Variants in LRRC49 observed in about 807,000 individuals in gnomAD.
The protein encoded by LRRC49 is leucine-rich repeat-containing protein 49.
Under a neutral mutation model 83.3 loss-of-function variants are expected in LRRC49, and 50 were observed. The observed-to-expected ratio is 0.60, with a 90% confidence interval of 0.48 to 0.76. LRRC49 has a LOEUF of 0.76. Among genes scored for constraint, LRRC49 ranks in the 30% least tolerant of loss-of-function variants. LRRC49 has a pLI of 0.00. For synonymous variants in LRRC49, 286 were observed against 283.3 expected (o/e 1.01, Z -0.10); for missense variants, 704 against 809.1 (o/e 0.87, Z 1.58).
At chr15:70,933,432 A>G (rs556243275) in intron 7 of LRRC49, among the ~76,000 whole-genome samples, 1 of 152,286 alleles carries the variant, frequency 6.6e-6, no homozygotes, top group East Asian at 1.9e-4. Flanking sequence ...AGTTACCTCC[A>G]GAAAGGATAT....
In LRRC49 at chr15:70,895,754, A is replaced by G. The variant is rs955204643; in HGVS notation, c.106-95A>G. 1.6e-5 allele frequency: 11 copies of G among 673,776 alleles called. No homozygotes were observed. In the African/African-American group the frequency reaches 2.0e-4, roughly 12 times the overall value. 41.7% of individuals were successfully genotyped at this position (673,776 alleles called of 1,614,324 possible). A position where few individuals can be genotyped will look rare whatever the true frequency, so the allele number is the denominator to read the frequency against. ...TTTCAAGGTTCATCCACATTGTACCATGTGTATCAGTTATTATATGTTTTT... is the reference window on the plus strand; with the variant it reads ...TTTCAAGGTTCATCCACATTGTACCGTGTGTATCAGTTATTATATGTTTTT... On this transcript the variant is annotated intron_variant, in intron 2 of 15. Coordinates refer to ENST00000260382, the MANE Select transcript of LRRC49 (RefSeq NM_017691.5).
intron 9 of LRRC49, among the ~76,000 whole-genome samples, chr15:70,966,170 G>A (rs958361894): frequency 3.9e-5 from 6 of 152,056 alleles, no homozygotes; most frequent in Admixed American, 1.3e-4. Context: ...TTGAATTTTT[G>A]TGTAAATTAC....
rs565373544 is a variant in LRRC49, at chr15:70,958,178, A to T, written c.774-5607A>T. ...CCTGACTACTACCTTGGTTTTTGACATGTTAAGCCCTGTTTTTCACCTCTG... is the reference window on the plus strand; with the variant it reads ...CCTGACTACTACCTTGGTTTTTGACTTGTTAAGCCCTGTTTTTCACCTCTG... On this transcript the variant is annotated intron_variant, in intron 8 of 15. Transcript: ENST00000260382. 6.6e-5 allele frequency among the ~76,000 whole-genome samples: 10 copies of T among 152,264 alleles called. No individual in the cohort carries two copies. In the East Asian group the frequency reaches 1.9e-3, roughly 29 times the overall value.
intron 11 of LRRC49, among the ~76,000 whole-genome samples, chr15:70,985,828 A>G (rs1596102050): frequency 6.8e-6 from 1 of 147,914 alleles, no homozygotes; most frequent in East Asian, 2.0e-4. Context: ...GAAGGGATCC[A>G]GTTTCAGCTT....
chr15:70,964,035 C>CATATTTAGT, intron 9 of LRRC49, 103 bp downstream of exon 9: 2 of 1,141,746 alleles, frequency 1.8e-6, no homozygotes, highest in Non-Finnish European at 2.5e-6. Context: ...TTTTAGTGAA[C>CATATTTAGT]TATGGGTTAT....
chr15:71,009,851 T>G lies in LRRC49; in HGVS notation c.1452T>G (p.Phe484Leu). The change falls in exon 13 of 16, where the codon TTT (phenylalanine) becomes TTG (leucine). Residue 484 changes from phenylalanine (F) to leucine (L), a missense_variant. Phe to Leu is a conservative substitution (Grantham distance 22). Coordinates refer to ENST00000260382, the MANE Select transcript of LRRC49 (RefSeq NM_017691.5). ...KETNLVMLQQ[F>L]NALAQLRRID... ...CAAATCTTGTAATGCTGCAGCAATT[T>G]AACGCACTAGCCCAACTCCGTCGTA... 6.2e-7 allele frequency: 1 copy of G among 1,612,358 alleles called. No homozygotes were observed. Among genetic ancestry groups the G allele is most frequent in the Non-Finnish European group, 8.5e-7 (1 of 1,178,872 alleles).
Position 70,952,958 on chromosome 15 carries a change from G to A in LRRC49, c.774-10827G>A, listed in dbSNP as rs116969916. Among the ~76,000 whole-genome samples the A allele has an allele frequency of 2.6e-3, 395 of 152,052 alleles. 1 individual carries two copies. Among genetic ancestry groups the A allele is most frequent in the Non-Finnish European group, 4.7e-3 (316 of 67,886 alleles). ...TTATCTGATGTATGAATAGCTACCCGTTTTTTGTTTCCTATTAGCCTGATA... is the reference window on the plus strand; with the variant it reads ...TTATCTGATGTATGAATAGCTACCCATTTTTTGTTTCCTATTAGCCTGATA... On this transcript the variant is annotated intron_variant, in intron 8 of 15. Transcript: ENST00000260382.
At position 71,037,342 on chromosome 15, in the gene LRRC49, C is replaced by T. The variant is rs2039555107; in HGVS notation, c.1857+10C>T. 3 of 1,579,278 alleles carry T rather than the reference C, an allele frequency of 1.9e-6. No homozygotes were observed. The highest frequency in any genetic ancestry group is 2.6e-6 in the Non-Finnish European group (3 of 1,165,060). ...TAATGAAAAGCTAGAGGTAAAACTA[C>T]TGTTAATCTTTGCGATCTAATGCCA... On this transcript the variant is annotated intron_variant, in intron 15 of 15. Coordinates refer to ENST00000260382, the MANE Select transcript of LRRC49 (RefSeq NM_017691.5).
intron 7 of LRRC49, among the ~76,000 whole-genome samples, chr15:70,930,565 T>C (rs1052656591): frequency 3.3e-5 from 5 of 152,332 alleles, no homozygotes; most frequent in South Asian, 2.1e-4. Flanking sequence ...AGCATGTGTT[T>C]TGAAGCTTTG....
chr15:70,907,235 C>G (rs1321664670), intron 5 of LRRC49, among the ~76,000 whole-genome samples: 1 of 152,226 alleles, frequency 6.6e-6, no homozygotes, highest in Non-Finnish European at 1.5e-5. Context: ...GTTCAGAAAG[C>G]TTTCTCCTTC....
chr15:70,915,527 ATTGT>A (rs1380965987), intron 6 of LRRC49, among the ~76,000 whole-genome samples: 3 of 152,090 alleles, frequency 2.0e-5, no homozygotes. Flanking sequence ...TTATATCTGT[ATTGT>A]TTGTCTTCCA....
At chr15:70,972,615 G>A (rs573561444) in intron 9 of LRRC49, among the ~76,000 whole-genome samples, 1 of 152,266 alleles carries the variant, frequency 6.6e-6, no homozygotes, top group African/African-American at 2.4e-5. Context: ...TCACTTTCAG[G>A]TACAGCAATC....
chr15:70,959,578 G>GGA (rs2036531465), intron 8 of LRRC49, among the ~76,000 whole-genome samples: 1 of 144,076 alleles, frequency 6.9e-6, no homozygotes, highest in Non-Finnish European at 1.5e-5. Context: ...AGGAAGGAAG[G>GGA]AAGGAAGGAA....
intron 1 of LRRC49, chr15:70,853,801 G>T: frequency 2.0e-6 from 2 of 984,394 alleles, no homozygotes; most frequent in Non-Finnish European, 2.6e-6. Context: ...TCTGCCCGAG[G>T]AGTTGTCGCG....
chr15:70,989,413 A>G (rs1338218870), intron 11 of LRRC49, among the ~76,000 whole-genome samples: 1 of 151,916 alleles, frequency 6.6e-6, no homozygotes, highest in African/African-American at 2.4e-5. Context: ...CCTTTCTTCC[A>G]GTTGATCGCA....
upstream of LRRC49, among the ~76,000 whole-genome samples, chr15:70,891,668 C>A (rs545726287): frequency 1.3e-4 from 19 of 148,244 alleles, 1 homozygote; most frequent in South Asian, 4.1e-3. Flanking sequence ...TCACTTAATT[C>A]CAAAGTGTTA....
At chr15:70,869,602 C>T (rs115486247) in intron 1 of LRRC49, among the ~76,000 whole-genome samples, 1,962 of 152,214 alleles carry the variant, frequency 0.013, 44 homozygotes, top group African/African-American at 0.044. Flanking sequence ...ACTACAGATC[C>T]GCTGCTTTAT....
chr15:71,027,216 T>C (rs2141284562), intron 14 of LRRC49, among the ~76,000 whole-genome samples: 1 of 152,352 alleles, frequency 6.6e-6, no homozygotes, highest in African/African-American at 2.4e-5. Flanking sequence ...TCCCCATTGC[T>C]TGTTTTTGTC....
At chr15:70,945,845 G>A (rs1051446199) in intron 8 of LRRC49, among the ~76,000 whole-genome samples, 2 of 152,038 alleles carry the variant, frequency 1.3e-5, no homozygotes, top group Non-Finnish European at 2.9e-5. Context: ...TGGATGCACA[G>A]GAAGGTATCA....
Sources: gnomAD v4.1 joint callset for allele counts (sites outside exome capture counted in the v4.1 genomes callset) on GRCh38, gnomAD v4.1.1 for gene constraint, MANE v1.5 for transcripts, NCBI Gene and HGNC (gene_info 2026-07-23, HGNC 2026-07-21) for gene names.